The following MARCHF11 variants were observed in gnomAD, a reference collection of about 807,000 sequenced individuals.
MARCHF11 encodes the protein E3 ubiquitin-protein ligase MARCHF11.
Under a neutral mutation model 37.3 loss-of-function variants are expected in MARCHF11, and 29 were observed. The observed-to-expected ratio is 0.78, with a 90% CI of 0.58 to 1.06. The LOEUF is 1.06. MARCHF11 is among the 50% of genes least tolerant of loss of function. MARCHF11 has a pLI of 0.00. For missense variants in MARCHF11, 482 were observed against 533.4 expected, an observed-to-expected ratio of 0.90 and a Z score of 0.95; for synonymous variants, 233 against 228.0, an observed-to-expected ratio of 1.02 and a Z score of -0.20.
intron 2 of MARCHF11, among the ~76,000 whole-genome samples, chr5:16,109,695 T>G (rs1737105740): frequency 1.3e-5 from 2 of 152,308 alleles, no homozygotes; most frequent in East Asian, 3.9e-4. Context: ...TAGCCAGTCA[T>G]TAGAAGCTGA....
At chr5:16,177,661 C>A in intron 2 of MARCHF11, 65 bp downstream of exon 2, 1 of 1,363,846 alleles carries the variant, frequency 7.3e-7, no homozygotes. Context: ...TTAGTAATAA[C>A]TAAGCTTAAG....
chr5:16,084,441 A>T (rs1736660285), intron 3 of MARCHF11, among the ~76,000 whole-genome samples: 1 of 152,066 alleles, frequency 6.6e-6, no homozygotes, highest in African/African-American at 2.4e-5. Context: ...TCAGGAGTTG[A>T]AGGCCACCCT....
chr5:16,092,889 C>T (rs1736809055), intron 2 of MARCHF11, among the ~76,000 whole-genome samples: 1 of 152,186 alleles, frequency 6.6e-6, no homozygotes, highest in South Asian at 2.1e-4. Flanking sequence ...AACTGCCAGG[C>T]CTTCATATCT....
intron 2 of MARCHF11, among the ~76,000 whole-genome samples, chr5:16,118,066 C>A (rs146178191): frequency 6.6e-6 from 1 of 152,214 alleles, no homozygotes; most frequent in East Asian, 1.9e-4. Context: ...GGTAAGAATT[C>A]ACCTGAAGAA....
intron 3 of MARCHF11, among the ~76,000 whole-genome samples, chr5:16,070,750 T>C (rs1285865888): frequency 6.6e-6 from 1 of 152,208 alleles, no homozygotes; most frequent in Non-Finnish European, 1.5e-5. Flanking sequence ...CTTGAAGTTT[T>C]CATGAAGACA....
At chr5:16,141,317 A>G (rs972506775) in intron 2 of MARCHF11, 2 of 152,204 alleles carry the variant, frequency 1.3e-5, no homozygotes, top group Non-Finnish European at 2.9e-5. Context: ...ACACCAGTAA[A>G]GAGAAGCTGT....
At chr5:16,148,268 C>G (rs1213695805) in intron 2 of MARCHF11, among the ~76,000 whole-genome samples, 1 of 151,994 alleles carries the variant, frequency 6.6e-6, no homozygotes, top group South Asian at 2.1e-4. Flanking sequence ...AAAAAAAGTA[C>G]CTATAATGTG....
intron 3 of MARCHF11, among the ~76,000 whole-genome samples, chr5:16,070,452 CA>C (rs1435011066): frequency 1.3e-5 from 2 of 152,098 alleles, no homozygotes; most frequent in Admixed American, 6.5e-5. Flanking sequence ...GCACTAATCC[CA>C]AAACAATTAC....
chr5:16,174,436 A>G (rs975368701), intron 2 of MARCHF11, among the ~76,000 whole-genome samples: 4 of 152,252 alleles, frequency 2.6e-5, no homozygotes, highest in African/African-American at 9.6e-5. Flanking sequence ...CTGAAATCCA[A>G]TGAAATTGGG....
chr5:16,146,239 G>A (rs1054329966), intron 2 of MARCHF11, among the ~76,000 whole-genome samples: 3 of 152,128 alleles, frequency 2.0e-5, no homozygotes, highest in Non-Finnish European at 2.9e-5. Context: ...AGCAGGCAGT[G>A]TCCCTATGAC....
At chr5:16,087,404 A>G (rs1395559365) in intron 3 of MARCHF11, among the ~76,000 whole-genome samples, 1 of 152,212 alleles carries the variant, frequency 6.6e-6, no homozygotes, top group Admixed American at 6.5e-5. Flanking sequence ...AGGAAATGCA[A>G]CCCATTTATA....
chr5:16,078,058 T>C (rs534328999), intron 3 of MARCHF11, among the ~76,000 whole-genome samples: 1 of 152,382 alleles, frequency 6.6e-6, no homozygotes, highest in Admixed American at 6.5e-5. Context: ...CTTTATTGTT[T>C]ATATAGAAAA....
intron 2 of MARCHF11, among the ~76,000 whole-genome samples, chr5:16,175,249 A>G (rs547646361): frequency 6.6e-6 from 1 of 152,364 alleles, no homozygotes; most frequent in South Asian, 2.1e-4. Flanking sequence ...ATCATAAATG[A>G]CAGTTGTTGT....
At chr5:16,084,009 C>A (rs999112241) in intron 3 of MARCHF11, among the ~76,000 whole-genome samples, 1 of 152,022 alleles carries the variant, frequency 6.6e-6, no homozygotes, top group Non-Finnish European at 1.5e-5. Context: ...TTTATTCATA[C>A]AACACAGAGT....
At chr5:16,175,032 C>A (rs1738333024) in intron 2 of MARCHF11, among the ~76,000 whole-genome samples, 1 of 152,190 alleles carries the variant, frequency 6.6e-6, no homozygotes, top group Admixed American at 6.5e-5. Context: ...TGAAAAGCAG[C>A]AGCCACATGG....
intron 2 of MARCHF11, among the ~76,000 whole-genome samples, chr5:16,157,800 CA>C (rs1738002551): frequency 6.6e-6 from 1 of 151,606 alleles, no homozygotes; most frequent in African/African-American, 2.4e-5. Flanking sequence ...GAGATGATAC[CA>C]AAAACACAAG....
intron 3 of MARCHF11, among the ~76,000 whole-genome samples, chr5:16,072,725 A>T (rs1043632298): frequency 6.6e-6 from 1 of 151,798 alleles, no homozygotes; most frequent in Non-Finnish European, 1.5e-5. Context: ...TTTGCCCTGC[A>T]CTCCTTTGTG....
At chr5:16,177,590 C>T (rs1738383091) in intron 2 of MARCHF11, 136 bp downstream of exon 2, 1 of 643,916 alleles carries the variant, frequency 1.6e-6, no homozygotes, top group Non-Finnish European at 2.3e-6. Context: ...TTTACAAATT[C>T]TAAATCTTGG....
intron 2 of MARCHF11, among the ~76,000 whole-genome samples, chr5:16,095,476 G>A (rs1350701616): frequency 2.2e-5 from 3 of 136,934 alleles, no homozygotes; most frequent in Non-Finnish European, 4.7e-5. Context: ...AAGGAAGGAA[G>A]GAAGGAAGGG....
Sources: allele counts gnomAD v4.1 joint callset (sites outside exome capture counted in the v4.1 genomes callset), GRCh38; gene constraint gnomAD v4.1.1; transcripts MANE v1.5; gene names NCBI Gene and HGNC (gene_info 2026-07-23, HGNC 2026-07-21).